Variants in NTM observed in about 807,000 individuals in gnomAD.
The protein encoded by NTM is neurotrimin, also known as IgLON family member 2.
In NTM, 13 loss-of-function variants were observed where a neutral mutation model predicts 42.1. The observed-to-expected ratio is 0.31, with a 90% CI of 0.20 to 0.49. The LOEUF (loss-of-function observed/expected upper bound fraction) is 0.49. Among genes scored for constraint, NTM ranks in the 20% least tolerant of loss-of-function variants. The pLI, the probability that NTM is intolerant of heterozygous loss-of-function variation, is 0.99. For missense variants in NTM, 373 were observed against 452.8 expected (o/e 0.82, Z 1.60); for synonymous variants, 187 against 179.2 (o/e 1.04, Z -0.35).
At chr11:131,397,207 T>G (rs1325914625) in intron 1 of NTM, among the ~76,000 whole-genome samples, 13 of 152,334 alleles carry the variant, frequency 8.5e-5, no homozygotes, top group South Asian at 4.1e-4. Flanking sequence ...CTCATTTTTC[T>G]AGGCATAATC....
intron 2 of NTM, among the ~76,000 whole-genome samples, chr11:131,985,275 C>T (rs11604526): frequency 0.24 from 36,047 of 152,082 alleles, 4,455 homozygotes; most frequent in Admixed American, 0.28. Context: ...TTTGCTATTT[C>T]ACAACAAGGG....
At chr11:131,647,380 C>T (rs1037843940) in intron 1 of NTM, among the ~76,000 whole-genome samples, 1 of 152,138 alleles carries the variant, frequency 6.6e-6, no homozygotes, top group Admixed American at 6.5e-5. Flanking sequence ...CTCTAACCTT[C>T]GGGGATGGCT....
chr11:131,528,197 A>G (rs993612887), intron 1 of NTM, among the ~76,000 whole-genome samples: 1 of 152,120 alleles, frequency 6.6e-6, no homozygotes, highest in Non-Finnish European at 1.5e-5. Context: ...ATCTTCCCCA[A>G]AGTTCTGTTA....
chr11:132,270,300 C>T (rs989618887), intron 4 of NTM, among the ~76,000 whole-genome samples: 13 of 152,130 alleles, frequency 8.5e-5, no homozygotes, highest in African/African-American at 2.9e-4. Context: ...AGCACGATAT[C>T]GGCTCACTGC....
intron 1 of NTM, among the ~76,000 whole-genome samples, chr11:131,488,604 C>T (rs1471695676): frequency 6.6e-6 from 1 of 152,186 alleles, no homozygotes; most frequent in Non-Finnish European, 1.5e-5. Context: ...GCAGCATGTG[C>T]ATACAGGGTG....
chr11:132,303,986 C>T (rs1043355166), intron 4 of NTM, among the ~76,000 whole-genome samples: 1 of 152,154 alleles, frequency 6.6e-6, no homozygotes, highest in Non-Finnish European at 1.5e-5. Flanking sequence ...AGGTGACCTA[C>T]CCCATCATGA....
In NTM at chr11:131,381,861, A is replaced by G. The variant is rs528355152; in HGVS notation, c.82+10973A>G. Among the ~76,000 whole-genome samples the G allele has an allele frequency of 2.6e-4, 40 of 152,338 alleles. No individual in the cohort carries two copies. In the South Asian group the frequency reaches 8.3e-3, roughly 32 times the overall value. ...TGACTCTCAAAAATTCTCCTGGCAC[A>G]GGTCAGAATAGGGCAAGTTCATCTC... On this transcript the variant is annotated intron_variant, in intron 1 of 8. Coordinates refer to ENST00000683400, the MANE Select transcript of NTM (RefSeq NM_001352005.2).
intron 1 of NTM, among the ~76,000 whole-genome samples, chr11:131,520,532 C>T (rs912427993): frequency 4.6e-5 from 7 of 152,086 alleles, no homozygotes; most frequent in South Asian, 4.1e-4. Context: ...AGGATAGCCA[C>T]GCAATTTGAT....
chr11:131,399,310 C>T (rs896354766), intron 1 of NTM, among the ~76,000 whole-genome samples: 6 of 152,070 alleles, frequency 3.9e-5, no homozygotes, highest in East Asian at 3.9e-4. Flanking sequence ...GATGGACTCA[C>T]GATTCTGAAT....
intron 3 of NTM, among the ~76,000 whole-genome samples, chr11:132,209,033 G>C (rs1244304376): frequency 6.6e-6 from 1 of 152,086 alleles, no homozygotes; most frequent in Non-Finnish European, 1.5e-5. Context: ...GGTTGGTGTT[G>C]GGGGGTGGGG....
chr11:132,064,895 A>G (rs1269783276), intron 2 of NTM, among the ~76,000 whole-genome samples: 2 of 152,210 alleles, frequency 1.3e-5, no homozygotes, highest in Non-Finnish European at 2.9e-5. Flanking sequence ...TTTCCAGAAC[A>G]TGATTCATTT....
chr11:131,862,511 C>G (rs1345045408), intron 1 of NTM, among the ~76,000 whole-genome samples: 1 of 152,190 alleles, frequency 6.6e-6, no homozygotes, highest in South Asian at 2.1e-4. Flanking sequence ...TGAGAATGAA[C>G]ACAATTGCCT....
chr11:131,510,459 C>G (rs1253949794), intron 1 of NTM, among the ~76,000 whole-genome samples: 1 of 152,132 alleles, frequency 6.6e-6, no homozygotes, highest in Non-Finnish European at 1.5e-5. Context: ...CCTAGCCATC[C>G]AAAGGACGGT....
chr11:131,901,179 G>T (rs2053110374), intron 1 of NTM, among the ~76,000 whole-genome samples: 1 of 152,162 alleles, frequency 6.6e-6, no homozygotes, highest in Admixed American at 6.5e-5. Flanking sequence ...CTTTTTAATA[G>T]AAGAGGAAAA....
At chr11:132,117,011 C>T (rs1453405685) in intron 2 of NTM, among the ~76,000 whole-genome samples, 2 of 152,138 alleles carry the variant, frequency 1.3e-5, no homozygotes, top group Non-Finnish European at 2.9e-5. Context: ...GAGACTATTT[C>T]CTGGCATCAT....
intron 2 of NTM, among the ~76,000 whole-genome samples, chr11:132,136,933 A>G (rs1207322816): frequency 6.6e-6 from 1 of 152,186 alleles, no homozygotes; most frequent in Non-Finnish European, 1.5e-5. Context: ...CATCTCCTTC[A>G]TAGTCGCACT....
At chr11:132,297,732 A>G (rs1332911458) in intron 4 of NTM, among the ~76,000 whole-genome samples, 2 of 152,078 alleles carry the variant, frequency 1.3e-5, no homozygotes. Flanking sequence ...ATGTGAGTTG[A>G]CATGGATTTG....
chr11:132,201,773 G>T (rs2081195495), intron 3 of NTM, among the ~76,000 whole-genome samples: 1 of 152,224 alleles, frequency 6.6e-6, no homozygotes, highest in African/African-American at 2.4e-5. Flanking sequence ...AGAGTGATTA[G>T]TAATTCACTA....
intron 6 of NTM, among the ~76,000 whole-genome samples, chr11:132,312,074 C>T (rs1033799779): frequency 6.6e-6 from 1 of 152,164 alleles, no homozygotes; most frequent in Non-Finnish European, 1.5e-5. Flanking sequence ...TATTTATTTC[C>T]AGTGTGCTGG....
Sources: gnomAD v4.1 joint callset for allele counts (sites outside exome capture counted in the v4.1 genomes callset) on GRCh38, gnomAD v4.1.1 for gene constraint, MANE v1.5 for transcripts, NCBI Gene and HGNC (gene_info 2026-07-23, HGNC 2026-07-21) for gene names.